The following PRKCD variants were observed in gnomAD, a reference collection of about 807,000 sequenced individuals.
PRKCD encodes protein kinase C delta type.
Under a neutral mutation model 82.2 loss-of-function variants are expected in PRKCD, and 20 were observed. The ratio of observed to expected loss-of-function variants is 0.24; its 90% confidence interval spans 0.17 to 0.35. The LOEUF (loss-of-function observed/expected upper bound fraction) is 0.35. Among genes scored for constraint, PRKCD ranks in the 10% least tolerant of loss-of-function variants. PRKCD has a pLI of 1.00. For synonymous variants in PRKCD, 317 were observed against 337.0 expected (o/e 0.94, Z 0.65); for missense variants, 607 against 899.0 (o/e 0.68, Z 4.15).
intron 17 of PRKCD, 24 bp downstream of exon 17, chr3:53,189,270 GCT>G: frequency 1.4e-6 from 2 of 1,475,350 alleles, no homozygotes; most frequent in Non-Finnish European, 1.8e-6. Context: ...GCTGGGCTGG[GCT>G]GGTCTGGGCT....
At chr3:53,190,322 G>A (rs951225843) in intron 18 of PRKCD, among the ~76,000 whole-genome samples, 3 of 152,234 alleles carry the variant, frequency 2.0e-5, no homozygotes, top group African/African-American at 7.2e-5. Flanking sequence ...GCAGAGCACA[G>A]TGCTGGGCTG....
At chr3:53,188,879 C>A in intron 16 of PRKCD, 21 bp downstream of exon 16, 1 of 1,612,738 alleles carries the variant, frequency 6.2e-7, no homozygotes, top group Non-Finnish European at 8.5e-7. Context: ...ACCCTTCCAG[C>A]CCCCCGCTCA....
At chr3:53,186,539 G>T in intron 13 of PRKCD, 65 bp from the exon 14 acceptor site, 1 of 1,474,502 alleles carries the variant, frequency 6.8e-7, no homozygotes, top group Non-Finnish European at 9.4e-7. Context: ...CTTGGCCCCA[G>T]TGGCCCTCAG....
intron 15 of PRKCD, among the ~76,000 whole-genome samples, chr3:53,187,645 C>T (rs556647295): frequency 6.6e-6 from 1 of 152,342 alleles, no homozygotes; most frequent in Non-Finnish European, 1.5e-5. Context: ...TCGCCCCACC[C>T]ATCCTTGGAG....
chr3:53,164,652 C>G (rs1405554360), intron 1 of PRKCD, among the ~76,000 whole-genome samples: 1 of 151,848 alleles, frequency 6.6e-6, no homozygotes, highest in East Asian at 1.9e-4. Context: ...AGCTGGCACG[C>G]CACATCATTG....
intron 4 of PRKCD, among the ~76,000 whole-genome samples, chr3:53,180,489 C>A (rs1703396055): frequency 6.6e-6 from 1 of 152,224 alleles, no homozygotes; most frequent in African/African-American, 2.4e-5. Context: ...TGGCAGAAGT[C>A]CCCTGGGGTT....
intron 9 of PRKCD, 85 bp downstream of exon 9, chr3:53,183,666 G>A (rs998067195): frequency 4.5e-5 from 70 of 1,553,510 alleles, no homozygotes; most frequent in Middle Eastern, 3.7e-4. Flanking sequence ...CGCCACCCTC[G>A]CCTCCTCACC....
rs938445506 is a variant in PRKCD, at chr3:53,192,366, C to T, written c.*100C>T. The T allele has an allele frequency of 1.8e-5, 26 of 1,428,718 alleles. No individual in the cohort carries two copies. Among genetic ancestry groups the T allele is most frequent in the Middle Eastern group, 2.1e-4 (1 of 4,788 alleles). 88.5% of individuals were successfully genotyped at this position (1,428,718 alleles called of 1,614,324 possible). On this transcript the variant is annotated 3_prime_UTR_variant, in exon 19 of 19. Transcript: ENST00000330452. ...CTGTGGTGACTTCTGCTGCTGGCCC[C>T]GCCCCTGCCCCCAGAGCGTCCTTGG...
intron 13 of PRKCD, 102 bp downstream of exon 13, chr3:53,186,442 G>T: frequency 6.8e-7 from 1 of 1,467,104 alleles, no homozygotes; most frequent in South Asian, 1.2e-5. Context: ...GGCCACTTAA[G>T]GCAGGGCCAT....
intron 1 of PRKCD, among the ~76,000 whole-genome samples, chr3:53,163,075 GGTT>G (rs1702727656): frequency 6.6e-6 from 1 of 151,486 alleles, no homozygotes; most frequent in African/African-American, 2.4e-5. Context: ...TGATATGTGT[GGTT>G]GTGTGTGTGC....
Position 53,181,276 on chromosome 3 carries a change from T to C in PRKCD, c.376+9T>C, listed in dbSNP as rs2107262029. 6.2e-7 allele frequency: 1 copy of C among 1,613,568 alleles called. No individual in the cohort carries two copies. Among genetic ancestry groups the C allele is most frequent in the Non-Finnish European group, 8.5e-7 (1 of 1,179,754 alleles). On this transcript the variant is annotated intron_variant, in intron 5 of 18. Coordinates refer to ENST00000330452, the MANE Select transcript of PRKCD (RefSeq NM_006254.4). ...TTTCCTGGAGGACGTGGGTAAGAAC[T>C]CCCTGGGGGTGGAGGGCTCCCTTGC... is the stretch of plus-strand genomic sequence containing the variant.
At chr3:53,161,460 G>C (rs1201690828) in intron 1 of PRKCD, 32 bp downstream of exon 1, 3 of 151,736 alleles carry the variant, frequency 2.0e-5, no homozygotes, top group Admixed American at 2.0e-4. Flanking sequence ...GCGCGGGATC[G>C]GGGCTACCCC....
chr3:53,185,508 G>A (rs1214313767), intron 10 of PRKCD, 96 bp from the exon 11 acceptor site: 11 of 1,028,578 alleles, frequency 1.1e-5, no homozygotes, highest in Admixed American at 5.5e-5. Flanking sequence ...TCCTCTTGGT[G>A]TTAAGGGTGG....
intron 18 of PRKCD, among the ~76,000 whole-genome samples, chr3:53,190,395 G>A (rs1246290434): frequency 6.6e-6 from 1 of 152,206 alleles, no homozygotes; most frequent in Non-Finnish European, 1.5e-5. Context: ...GGAGAGATAA[G>A]AAACTTGCAC....
chr3:53,185,504 T>G, intron 10 of PRKCD, 100 bp from the exon 11 acceptor site: 1 of 960,134 alleles, frequency 1.0e-6, no homozygotes, highest in Non-Finnish European at 1.6e-6. Context: ...TGTCTCCTCT[T>G]GGTGTTAAGG....
rs782209905 is a variant in PRKCD, at chr3:53,178,494, C to A, written c.72C>A (p.Asn24Lys). The change falls in exon 3 of 19, where the codon AAC becomes AAA. Residue 24 changes from asparagine (N) to lysine (K), a missense_variant. Asn to Lys is a moderately conservative substitution (Grantham distance 94, BLOSUM62 0). Around this residue, in one of 5 missense-constraint regions of PRKCD, gnomAD observed 161 missense variants for 227.0 expected, o/e 0.71. Transcript: ENST00000330452. ...LGSLQAEDEA[N>K]QPFCAVKMKE... ...CCCTGCAGGCCGAGGACGAGGCGAA[C>A]CAGCCCTTCTGTGCCGTGAAGATGA... is the stretch of plus-strand genomic sequence containing the variant. 5 of 1,613,204 alleles carry A rather than the reference C, an allele frequency of 3.1e-6. No homozygotes were observed. The Admixed American group carries it at 8.3e-5, about 27-fold the overall frequency.
chr3:53,189,139 T>C lies in PRKCD; in HGVS notation c.1636T>C (p.Ser546Pro). ...TCTGTACGAGATGCTCATTGGCCAG[T>C]CCCCCTTCCATGGTGATGATGAGGA... The part of the protein sequence containing the change: ...VLLYEMLIGQ[S>P]PFHGDDEDEL... The change falls in exon 17 of 19, where the codon TCC becomes CCC. Residue 546 changes from serine to proline, a missense_variant. Coordinates refer to ENST00000330452, the MANE Select transcript of PRKCD (RefSeq NM_006254.4). 1 of 1,614,106 alleles carries C rather than the reference T, an allele frequency of 6.2e-7. No individual in the cohort carries two copies. The highest frequency in any genetic ancestry group is 8.5e-7 in the Non-Finnish European group (1 of 1,180,008).
At chr3:53,177,946 C>CTTTTT (rs55779744) in intron 2 of PRKCD, among the ~76,000 whole-genome samples, 1 of 135,070 alleles carries the variant, frequency 7.4e-6, no homozygotes, top group Non-Finnish European at 1.6e-5. Flanking sequence ...TTTTCTTTTT[C>CTTTTT]TTTTTTTTTT....
chr3:53,167,512 C>G (rs782048531), intron 2 of PRKCD, among the ~76,000 whole-genome samples: 1 of 152,212 alleles, frequency 6.6e-6, no homozygotes, highest in Non-Finnish European at 1.5e-5. Context: ...TATGAATGAA[C>G]CTGGGCAAGT....
Sources: allele counts gnomAD v4.1 joint callset (sites outside exome capture counted in the v4.1 genomes callset), GRCh38; gene constraint gnomAD v4.1.1; regional missense constraint gnomAD v4.1.1; transcripts MANE v1.5; gene names NCBI Gene and HGNC (gene_info 2026-07-23, HGNC 2026-07-21).